BRD9: variants seen among roughly 807,000 people sequenced by gnomAD.
The protein encoded by BRD9 is bromodomain-containing protein 9.
A neutral mutation model predicts 68.7 loss-of-function variants in BRD9; 47 were observed. That is an observed-to-expected ratio of 0.68 (90% CI 0.54 to 0.87). BRD9 has a LOEUF of 0.87. Ranked by LOEUF, BRD9 falls within the 40% of genes least tolerant of loss-of-function variation. BRD9 has a pLI of 0.00. For synonymous variants in BRD9, 313 were observed against 293.9 expected (o/e 1.06, Z -0.67); for missense variants, 670 against 748.4 (o/e 0.90, Z 1.22).
chr5:870,660 C>G, intron 13 of BRD9, 85 bp from the exon 14 acceptor site: 1 of 977,500 alleles, frequency 1.0e-6, no homozygotes, highest in Non-Finnish European at 1.6e-6. Flanking sequence ...TGAAATCACT[C>G]TAATTATTTG....
rs1749251784 is a variant in BRD9, at chr5:865,487, C to T, written c.1620G>A (p.Glu540=). The T allele has an allele frequency of 1.2e-6, 2 of 1,605,406 alleles. No individual in the cohort carries two copies. Among genetic ancestry groups the T allele is most frequent in the Non-Finnish European group, 1.7e-6 (2 of 1,176,432 alleles). The change falls in exon 15 of 16, where the codon GAG becomes GAA. Residue 540 remains glutamate, a synonymous_variant. Transcript: ENST00000467963. ...TGGACGACGGCCGAGAGCCGCCGCG[C>T]TCCGCCTGTGCTTCGTGCAGGTCCT... The part of the protein sequence containing the change: ...LLQDLHEAQA[E]RGGSRPSSNL...
intron 11 of BRD9, 86 bp downstream of exon 11, chr5:878,269 C>T: frequency 1.9e-6 from 3 of 1,567,992 alleles, no homozygotes; most frequent in East Asian, 4.5e-5. Flanking sequence ...CTCTCCCCAC[C>T]CGCACACATG....
At chr5:891,509 G>A (rs1753393559) in intron 2 of BRD9, 131 bp downstream of exon 2, 3 of 1,404,216 alleles carry the variant, frequency 2.1e-6, no homozygotes, top group East Asian at 2.5e-5. Context: ...TCAGCGGTTC[G>A]CGTTTTGCTA....
At chr5:873,182 GAAAGAAAGT>G (rs1270185127) in intron 12 of BRD9, among the ~76,000 whole-genome samples, 1 of 152,030 alleles carries the variant, frequency 6.6e-6, no homozygotes, top group Admixed American at 6.5e-5. Context: ...GAAAAAAAAA[GAAAGAAAGT>G]AAAGATAACA....
chr5:892,623 C>G lies in BRD9; in HGVS notation c.35G>C (p.Trp12Ser). ...GKKHKKHKAE[W>S]RSSYEDYADK... ...CGCCTCACCCTCGTAGGACGAGCGCCACTCGGCCTTGTGCTTCTTGTGCTT... is the reference window on the plus strand; with the variant it reads ...CGCCTCACCCTCGTAGGACGAGCGCGACTCGGCCTTGTGCTTCTTGTGCTT... The change falls in exon 1 of 16, where the codon TGG (tryptophan) becomes TCG (serine). Residue 12 changes from tryptophan to serine, a missense_variant. By Grantham distance (177) the Trp-to-Ser change is radical. Around this residue, in one of 5 missense-constraint regions of BRD9, gnomAD observed 161 missense variants for 148.1 expected, o/e 1.09. Coordinates refer to ENST00000467963, the MANE Select transcript of BRD9 (RefSeq NM_023924.5). 1 of 1,523,662 alleles carries G rather than the reference C, an allele frequency of 6.6e-7. No homozygotes were observed. Among genetic ancestry groups the G allele is most frequent in the Non-Finnish European group, 8.8e-7 (1 of 1,135,172 alleles). 94.4% of individuals were successfully genotyped at this position (1,523,662 alleles called of 1,614,324 possible).
intron 12 of BRD9, among the ~76,000 whole-genome samples, chr5:874,689 A>G (rs1213232931): frequency 6.6e-6 from 1 of 152,196 alleles, no homozygotes; most frequent in East Asian, 1.9e-4. Context: ...AAACATACAC[A>G]CAACATGAGA....
chr5:885,237 C>G (rs114849410), intron 7 of BRD9, among the ~76,000 whole-genome samples: 1,562 of 152,364 alleles, frequency 0.01, 20 homozygotes, highest in African/African-American at 0.034. Context: ...GTGGGAAATG[C>G]AACGCACGTG....
chr5:888,579 A>T (rs1004136690), intron 5 of BRD9, among the ~76,000 whole-genome samples: 5 of 152,276 alleles, frequency 3.3e-5, no homozygotes, highest in Non-Finnish European at 7.3e-5. Flanking sequence ...CACAGCCAGT[A>T]GCAAGAAACA....
intron 2 of BRD9, 85 bp from the exon 3 acceptor site, chr5:891,372 G>A (rs1315544401): frequency 3.4e-6 from 5 of 1,491,760 alleles, no homozygotes; most frequent in Admixed American, 4.4e-5. Context: ...AGTTCTCAGG[G>A]GAGGGACAGA....
intron 3 of BRD9, among the ~76,000 whole-genome samples, chr5:890,448 CA>C (rs1467376550): frequency 1.3e-5 from 2 of 152,182 alleles, no homozygotes; most frequent in Non-Finnish European, 2.9e-5. Context: ...GTCTTAGGTA[CA>C]AATGCCTCAT....
intron 11 of BRD9, 124 bp downstream of exon 11, chr5:878,231 C>G: frequency 7.2e-7 from 1 of 1,389,082 alleles, no homozygotes; most frequent in East Asian, 2.3e-5. Context: ...AAGACCCAGG[C>G]TGCCATATGG....
intron 7 of BRD9, among the ~76,000 whole-genome samples, chr5:886,233 C>A (rs1246183830): frequency 6.6e-6 from 1 of 152,236 alleles, no homozygotes; most frequent in African/African-American, 2.4e-5. Context: ...AGTCAGCCCG[C>A]TTGTGCGGCA....
At chr5:880,651 C>T (rs1177285593) in intron 9 of BRD9, among the ~76,000 whole-genome samples, 2 of 152,230 alleles carry the variant, frequency 1.3e-5, no homozygotes, top group Admixed American at 1.3e-4. Flanking sequence ...ACAAAGTGCC[C>T]CTGACGGGCT....
At position 881,112 on chromosome 5, in the gene BRD9, G is replaced by A. The variant is rs367603229; in HGVS notation, c.1037C>T (p.Ala346Val). The change falls in exon 9 of 16, where the codon GCT becomes GTT. Residue 346 changes from alanine to valine, a missense_variant. By Grantham distance (64) the Ala-to-Val change is moderately conservative. Coordinates refer to ENST00000467963, the MANE Select transcript of BRD9 (RefSeq NM_023924.5). ...YSVVNTAEPDADEEETHPVDL... is the reference protein window; with the variant it reads ...YSVVNTAEPDVDEEETHPVDL... ...AGCCCTGAGCGGGCACCCACCATCAGCGTCCGGCTCGGCCGTGTTGACCAC... is the reference window on the plus strand; with the variant it reads ...AGCCCTGAGCGGGCACCCACCATCAACGTCCGGCTCGGCCGTGTTGACCAC... 64 of 1,613,932 alleles carry A rather than the reference G, an allele frequency of 4.0e-5. No individual in the cohort carries two copies. The highest frequency in any genetic ancestry group is 5.1e-5 in the Non-Finnish European group (60 of 1,180,030).
At chr5:866,656 G>A (rs1749423214) in intron 14 of BRD9, among the ~76,000 whole-genome samples, 1 of 152,204 alleles carries the variant, frequency 6.6e-6, no homozygotes, top group African/African-American at 2.4e-5. Flanking sequence ...CTTTAGGAGA[G>A]ACTGACAGCA....
rs567026346 is a variant in BRD9 at position 881,160 on chromosome 5, C to G, written c.989G>C (p.Gly330Ala). 6.2e-7 allele frequency: 1 copy of G among 1,614,108 alleles called. No individual in the cohort carries two copies. The highest frequency in any genetic ancestry group is 2.2e-5 in the East Asian group (1 of 44,886). Residue 330 changes from glycine to alanine, a missense_variant, in exon 9 of 16, where the codon GGG (glycine) becomes GCG (alanine). Physicochemically the swap from Gly to Ala is moderately conservative, Grantham distance 60. Coordinates refer to ENST00000467963, the MANE Select transcript of BRD9 (RefSeq NM_023924.5). ...CACGCTGTAGAGCAGGCTCCCGTCC[C>G]CGTTCCTCTTCAGATAGCCCATCTG... Reference protein sequence around the residue: ...GGKMGYLKRNGDGSLLYSVVN... With the variant: ...GGKMGYLKRNADGSLLYSVVN...
At chr5:890,711 C>T (rs962584752) in intron 3 of BRD9, among the ~76,000 whole-genome samples, 1 of 152,168 alleles carries the variant, frequency 6.6e-6, no homozygotes, top group Non-Finnish European at 1.5e-5. Flanking sequence ...ATCTCTCTTA[C>T]CAGTCTGACC....
At chr5:881,510 C>A (rs1268088552) in intron 8 of BRD9, 1 of 402,756 alleles carries the variant, frequency 2.5e-6, no homozygotes, top group African/African-American at 2.0e-5. Flanking sequence ...CATGGCACTG[C>A]CCTGACGGCA....
chr5:888,184 G>A (rs1166776791), intron 5 of BRD9: 3 of 153,046 alleles, frequency 2.0e-5, no homozygotes, highest in African/African-American at 7.2e-5. Flanking sequence ...CCCCTCCCCT[G>A]AAGACTCCAC....
Sources: allele counts gnomAD v4.1 joint callset (sites outside exome capture counted in the v4.1 genomes callset), GRCh38; gene constraint gnomAD v4.1.1; regional missense constraint gnomAD v4.1.1; transcripts MANE v1.5; gene names NCBI Gene and HGNC (gene_info 2026-07-23, HGNC 2026-07-21).